Variants in OXSR1 observed in about 807,000 individuals in gnomAD.
OXSR1 encodes oxidative stress responsive kinase 1, also known as serine/threonine-protein kinase OSR1.
A neutral mutation model predicts 79.8 loss-of-function variants in OXSR1; 24 were observed. The ratio of observed to expected loss-of-function variants is 0.30; its 90% confidence interval spans 0.22 to 0.42. The LOEUF (loss-of-function observed/expected upper bound fraction) is 0.42, where lower values mean the gene tolerates loss of function less well. OXSR1 is among the 10% of genes least tolerant of loss of function. The probability of loss-of-function intolerance (pLI) is 1.00; values close to 1 mark genes in which losing one functional copy is unlikely to be tolerated. For synonymous variants in OXSR1, 226 were observed against 209.2 expected (o/e 1.08, Z -0.69); for missense variants, 430 against 618.4 (o/e 0.70, Z 3.23).
intron 2 of OXSR1, among the ~76,000 whole-genome samples, chr3:38,183,895 G>A (rs1052577462): frequency 6.6e-6 from 1 of 152,054 alleles, no homozygotes; most frequent in South Asian, 2.1e-4. Flanking sequence ...ACTTATTATT[G>A]TTTCAAAATT....
Position 38,251,420 on chromosome 3 carries a change from T to G in OXSR1, c.1393T>G (p.Ser465Ala). 2 of 1,613,482 alleles carry G rather than the reference T, an allele frequency of 1.2e-6. No homozygotes were observed. The highest frequency in any genetic ancestry group is 1.7e-6 in the Non-Finnish European group (2 of 1,179,500). Residue 465 changes from serine (S) to alanine (A), a missense_variant, in exon 16 of 18, where the codon TCT becomes GCT. Transcript: ENST00000311806. ...CCTTGCAGATACAGCAGAGGGTGTC[T>G]CTCAGGAACTCATTTCTGCTGGCCT... ...TPGRDTAEGVSQELISAGLVD... is the reference protein window; with the variant it reads ...TPGRDTAEGVAQELISAGLVD...
chr3:38,225,513 A>G (rs533306279), intron 8 of OXSR1, among the ~76,000 whole-genome samples: 1 of 152,250 alleles, frequency 6.6e-6, no homozygotes, highest in East Asian at 1.9e-4. Context: ...ATTGTTGGAA[A>G]TATTGGAAAG....
chr3:38,214,277 A>T (rs1702442481), intron 4 of OXSR1, among the ~76,000 whole-genome samples: 1 of 152,022 alleles, frequency 6.6e-6, no homozygotes, highest in South Asian at 2.1e-4. Flanking sequence ...TATTTGAAGA[A>T]TATCTCTTCC....
At chr3:38,197,812 A>G (rs1702094952) in intron 3 of OXSR1, among the ~76,000 whole-genome samples, 1 of 152,250 alleles carries the variant, frequency 6.6e-6, no homozygotes, top group South Asian at 2.1e-4. Flanking sequence ...TTTTTAAGAT[A>G]ACTATGTAAG....
At chr3:38,242,075 T>A (rs1297044125) in intron 11 of OXSR1, among the ~76,000 whole-genome samples, 1 of 152,192 alleles carries the variant, frequency 6.6e-6, no homozygotes, top group Non-Finnish European at 1.5e-5. Flanking sequence ...ATAAACAGCT[T>A]AAATTTTCAT....
chr3:38,255,287 A>G lies in OXSR1; in HGVS notation c.*2396A>G, dbSNP rs1056742947. 2 of 152,632 alleles carry G rather than the reference A, an allele frequency of 1.3e-5. No individual in the cohort carries two copies. Among genetic ancestry groups the G allele is most frequent in the African/African-American group, 4.8e-5 (2 of 41,456 alleles). The allele number at this position is 152,632 out of a possible 1,614,324, so 9.5% of individuals were successfully genotyped here. A position where few individuals can be genotyped will look rare whatever the true frequency, so the allele number is the denominator to read the frequency against. ...TTGTTGGGTTTTTGCTTAAGTTTTGAACCAAATCCTAGAGCCAGCTGATAA... is the reference window on the plus strand; with the variant it reads ...TTGTTGGGTTTTTGCTTAAGTTTTGGACCAAATCCTAGAGCCAGCTGATAA... On this transcript the variant is annotated 3_prime_UTR_variant, in exon 18 of 18. Transcript: ENST00000311806.
chr3:38,216,130 G>A lies in OXSR1; in HGVS notation c.469G>A (p.Asp157Asn). 6.3e-7 allele frequency: 1 copy of A among 1,588,100 alleles called. No homozygotes were observed. The highest frequency in any genetic ancestry group is 1.1e-5 in the South Asian group (1 of 89,194). ...AGCTGGAAACATTCTTCTTGGAGAA[G>A]ATGGCTCAGTACAGATTGCAGGTAA... ...VKAGNILLGE[D>N]GSVQIADFGV... The change falls in exon 5 of 18, where the codon GAT (aspartate) becomes AAT (asparagine). Residue 157 changes from aspartate (D) to asparagine (N), a missense_variant. By Grantham distance (23) the Asp-to-Asn change is conservative. This residue lies in a region of OXSR1 where 145 missense variants were observed against 228.3 expected (regional missense o/e 0.64). Transcript: ENST00000311806.
intron 2 of OXSR1, among the ~76,000 whole-genome samples, chr3:38,184,139 A>C (rs558259368): frequency 6.6e-6 from 1 of 152,258 alleles, no homozygotes; most frequent in East Asian, 1.9e-4. Flanking sequence ...CACTGTCCCA[A>C]ATTGTATTTT....
At chr3:38,203,069 C>A (rs1702196896) in intron 4 of OXSR1, among the ~76,000 whole-genome samples, 1 of 152,222 alleles carries the variant, frequency 6.6e-6, no homozygotes, top group Non-Finnish European at 1.5e-5. Context: ...TTGTCCACTT[C>A]CGTGTTCCTC....
At chr3:38,252,469 C>A in intron 17 of OXSR1, 77 bp downstream of exon 17, 1 of 929,086 alleles carries the variant, frequency 1.1e-6, no homozygotes, top group Non-Finnish European at 1.8e-6. Flanking sequence ...CTTCTATATC[C>A]CCTGAGTGAT....
chr3:38,172,936 C>T lies in OXSR1; in HGVS notation c.70+6990C>T, dbSNP rs559686122. Among the ~76,000 whole-genome samples the T allele has an allele frequency of 1.7e-4, 26 of 152,350 alleles. No homozygotes were observed. In the South Asian group the frequency reaches 5.0e-3, roughly 29 times the overall value. ...AGTTTTTTCATGCGACCACACTTAG[C>T]AGGTGACTCTCCTTCTCATAGTTGG... On this transcript the variant is annotated intron_variant, in intron 1 of 17. Coordinates refer to ENST00000311806, the MANE Select transcript of OXSR1 (RefSeq NM_005109.3).
chr3:38,247,233 A>G (rs1703159606), intron 13 of OXSR1, among the ~76,000 whole-genome samples: 1 of 152,196 alleles, frequency 6.6e-6, no homozygotes, highest in South Asian at 2.1e-4. Flanking sequence ...TAGTTTAGCC[A>G]TAAAAAGACT....
At chr3:38,252,470 C>T in intron 17 of OXSR1, 78 bp downstream of exon 17, 7 of 924,226 alleles carry the variant, frequency 7.6e-6, no homozygotes, top group Non-Finnish European at 1.3e-5. Context: ...TTCTATATCC[C>T]CTGAGTGATG....
chr3:38,233,773 A>G (rs1014759096), intron 10 of OXSR1, among the ~76,000 whole-genome samples: 1 of 151,990 alleles, frequency 6.6e-6, no homozygotes, highest in African/African-American at 2.4e-5. Context: ...TTAGCTGGGC[A>G]TGGTGGCATG....
Position 38,217,689 on chromosome 3 carries a change from A to G in OXSR1, c.490+1538A>G, listed in dbSNP as rs75127254. ...ATTACAGGCGTGCACCCCTCCACCG[A>G]CTAATTTTTGTATTTGTAGTAGAGA... On this transcript the variant is annotated intron_variant, in intron 5 of 17. Coordinates refer to ENST00000311806, the MANE Select transcript of OXSR1 (RefSeq NM_005109.3). Among the ~76,000 whole-genome samples the G allele has an allele frequency of 6.3e-3, 954 of 151,986 alleles. 8 individuals carry two copies. Among genetic ancestry groups the G allele is most frequent in the Non-Finnish European group, 7.2e-3 (491 of 67,954 alleles).
chr3:38,223,610 T>C (rs1383731169), intron 6 of OXSR1, among the ~76,000 whole-genome samples: 1 of 151,566 alleles, frequency 6.6e-6, no homozygotes, highest in Non-Finnish European at 1.5e-5. Context: ...GCCCGGCTAA[T>C]TTTGTATTTT....
intron 3 of OXSR1, among the ~76,000 whole-genome samples, chr3:38,194,378 C>T (rs935666829): frequency 6.6e-6 from 1 of 151,964 alleles, no homozygotes; most frequent in African/African-American, 2.4e-5. Context: ...ATGGCAAGAC[C>T]CTGTCTCTAC....
intron 3 of OXSR1, among the ~76,000 whole-genome samples, chr3:38,195,846 T>A (rs757505213): frequency 2.0e-5 from 3 of 152,252 alleles, no homozygotes; most frequent in Non-Finnish European, 4.4e-5. Flanking sequence ...CAGGGGATTA[T>A]TTTTTGGGAA....
intron 10 of OXSR1, among the ~76,000 whole-genome samples, chr3:38,234,410 GA>G (rs1702876577): frequency 6.6e-6 from 1 of 152,118 alleles, no homozygotes; most frequent in African/African-American, 2.4e-5. Context: ...ATAATAAAAA[GA>G]CAACACATTT....
Sources: allele counts gnomAD v4.1 joint callset (sites outside exome capture counted in the v4.1 genomes callset), GRCh38; gene constraint gnomAD v4.1.1; regional missense constraint gnomAD v4.1.1; transcripts MANE v1.5; gene names NCBI Gene and HGNC (gene_info 2026-07-23, HGNC 2026-07-21).